The following TEX15 variants were observed in gnomAD, a reference collection of about 807,000 sequenced individuals.
The protein encoded by TEX15 is testis-expressed protein 15.
TEX15 carries 171 observed loss-of-function variants against 237.3 expected under a neutral mutation model. The observed-to-expected ratio is 0.72, with a 90% confidence interval of 0.64 to 0.82. The LOEUF (loss-of-function observed/expected upper bound fraction) is 0.82, where lower values mean the gene tolerates loss of function less well. TEX15 is among the 40% of genes least tolerant of loss of function. The pLI, the probability that TEX15 is intolerant of heterozygous loss-of-function variation, is 0.00. For missense variants in TEX15, 3,750 were observed against 3,646.5 expected (o/e 1.03, Z -0.73); for synonymous variants, 1,338 against 1,269.8 (o/e 1.05, Z -1.14).
At chr8:30,905,240 C>G (rs1217319074) in intron 1 of TEX15, among the ~76,000 whole-genome samples, 1 of 148,814 alleles carries the variant, frequency 6.7e-6, no homozygotes, top group Non-Finnish European at 1.5e-5. Context: ...ACCAAATAGA[C>G]CAACTGAAGA....
chr8:30,862,029 G>C (rs1050292647), intron 5 of TEX15, among the ~76,000 whole-genome samples: 6 of 152,066 alleles, frequency 3.9e-5, no homozygotes, highest in Admixed American at 3.9e-4. Context: ...GAGGTTGTGA[G>C]ATAACAGGCA....
chr8:30,885,418 A>T (rs1310621607), intron 3 of TEX15, among the ~76,000 whole-genome samples: 1 of 152,130 alleles, frequency 6.6e-6, no homozygotes. Context: ...CCATCCATGT[A>T]AGATGTGACT....
chr8:30,869,127 G>A (rs903528920), intron 4 of TEX15, among the ~76,000 whole-genome samples: 1 of 151,654 alleles, frequency 6.6e-6, no homozygotes, highest in African/African-American at 2.4e-5. Context: ...CTATAAAAAA[G>A]TTAGTTTTTG....
intron 1 of TEX15, among the ~76,000 whole-genome samples, chr8:30,903,503 T>C (rs1421952185): frequency 6.6e-6 from 1 of 152,224 alleles, no homozygotes; most frequent in African/African-American, 2.4e-5. Flanking sequence ...GCTCAACTTT[T>C]CACTCAATCC....
intron 2 of TEX15, among the ~76,000 whole-genome samples, chr8:30,891,582 C>T (rs904625815): frequency 2.0e-5 from 3 of 151,760 alleles, no homozygotes; most frequent in Admixed American, 1.3e-4. Flanking sequence ...TGGGTTCAAG[C>T]GATTCTCCTG....
intron 3 of TEX15, among the ~76,000 whole-genome samples, chr8:30,886,080 T>C (rs111229774): frequency 1.2e-4 from 18 of 152,232 alleles, no homozygotes; most frequent in African/African-American, 4.3e-4. Flanking sequence ...TCTATTATCT[T>C]TTCTCATTCA....
At chr8:30,907,639 C>T (rs1294432718) in intron 1 of TEX15, among the ~76,000 whole-genome samples, 1 of 134,236 alleles carries the variant, frequency 7.4e-6, no homozygotes, top group Non-Finnish European at 1.6e-5. Flanking sequence ...AATTTTATAT[C>T]TAATTTATAT....
At chr8:30,865,288 GATAA>G (rs1808135796) in intron 5 of TEX15, among the ~76,000 whole-genome samples, 1 of 151,972 alleles carries the variant, frequency 6.6e-6, no homozygotes, top group Admixed American at 6.6e-5. Flanking sequence ...AACTTGAATA[GATAA>G]ATAATGAGTG....
intron 4 of TEX15, among the ~76,000 whole-genome samples, chr8:30,873,237 CCT>C (rs1808331074): frequency 6.6e-6 from 1 of 152,078 alleles, no homozygotes; most frequent in African/African-American, 2.4e-5. Flanking sequence ...ATCTTTATCC[CCT>C]GTTAAATCTC....
rs1240040372 is a variant in TEX15, at chr8:30,858,727, T to C, written c.791A>G (p.Asp264Gly). The change falls in exon 7 of 11, where the codon GAT becomes GGT. Residue 264 changes from aspartate to glycine, a missense_variant. Physicochemically the swap from Asp to Gly is moderately conservative, Grantham distance 94. Transcript: ENST00000643185. ...CAAAGATGTCATAAGGCGTCCATTATCTACTTTTGAACCAAGAAATTTTAC... is the reference window on the plus strand; with the variant it reads ...CAAAGATGTCATAAGGCGTCCATTACCTACTTTTGAACCAAGAAATTTTAC... Reference protein sequence around the residue: ...VTVKFLGSKVDNGRLMTSLRF... With the variant: ...VTVKFLGSKVGNGRLMTSLRF... The C allele has an allele frequency of 3.9e-6, 6 of 1,535,924 alleles. No individual in the cohort carries two copies. The highest frequency in any genetic ancestry group is 1.7e-4 in the Middle Eastern group (1 of 5,984).
chr8:30,853,824 A>G (rs892109328), intron 7 of TEX15, among the ~76,000 whole-genome samples: 1 of 152,204 alleles, frequency 6.6e-6, no homozygotes, highest in Non-Finnish European at 1.5e-5. Context: ...TTTTCCAACT[A>G]CAATGGAATG....
Position 30,837,529 on chromosome 8 carries a change from G to A in TEX15, c.8755C>T (p.Gln2919Ter), listed in dbSNP as rs1166996281. 8.7e-6 allele frequency: 14 copies of A among 1,613,492 alleles called. No homozygotes were observed. The highest frequency in any genetic ancestry group is 1.2e-5 in the Non-Finnish European group (14 of 1,179,712). Reference sequence around the variant, plus strand: ...GATGAATTTACTATATCATTATCTTGAAGTTCAAAGACTGTGTCATTCATT... The same window carrying A: ...GATGAATTTACTATATCATTATCTTAAAGTTCAAAGACTGTGTCATTCATT... ...LEMNDTVFEL[Q>*]DNDIVNSSIK... The change falls in exon 10 of 11, where the codon CAA becomes TAA. Residue 2919 changes from glutamine (Q) to a stop codon, truncating the protein, a stop_gained. Coordinates refer to ENST00000643185, the MANE Select transcript of TEX15 (RefSeq NM_001350162.2). LOFTEE classifies it high-confidence loss of function.
intron 10 of TEX15, among the ~76,000 whole-genome samples, chr8:30,835,997 C>A (rs1007110097): frequency 4.3e-4 from 65 of 152,070 alleles, no homozygotes; most frequent in African/African-American, 1.5e-3. Context: ...ATGTATGTTT[C>A]ACAGTAGATA....
At position 30,842,795 on chromosome 8, in the gene TEX15, G is replaced by C; in HGVS notation, c.7372C>G (p.Leu2458Val). 2 of 1,613,242 alleles carry C rather than the reference G, an allele frequency of 1.2e-6. No homozygotes were observed. The highest frequency in any genetic ancestry group is 1.7e-6 in the Non-Finnish European group (2 of 1,179,544). ...IVMVSETIHFLKNSIAKKLDK... is the reference protein window; with the variant it reads ...IVMVSETIHFVKNSIAKKLDK... Reference sequence around the variant, plus strand: ...AGTTTCTTTGCTATTGAGTTTTTAAGAAAGTGAATTGTTTCTGAGACCATG... The same window carrying C: ...AGTTTCTTTGCTATTGAGTTTTTAACAAAGTGAATTGTTTCTGAGACCATG... The change falls in exon 8 of 11, where the codon CTT becomes GTT. Residue 2458 changes from leucine to valine, a missense_variant. Leu to Val is a conservative substitution (Grantham distance 32). Transcript: ENST00000643185.
In TEX15 at chr8:30,846,278, A is replaced by G; in HGVS notation, c.3889T>C (p.Ser1297Pro). Residue 1297 changes from serine (S) to proline (P), a missense_variant, in exon 8 of 11, where the codon TCA (serine) becomes CCA (proline). Physicochemically the swap from Ser to Pro is moderately conservative, Grantham distance 74. Transcript: ENST00000643185. The stretch of plus-strand genomic sequence containing the variant: ...TGTAGCTTCCTTTTGCTAATTCTTG[A>G]TTCTACCTCCTTTTTATTTTTGGTA... ...NDTKNKKEVE[S>P]RISKRKLHIS... 1 of 1,613,228 alleles carries G rather than the reference A, an allele frequency of 6.2e-7. No individual in the cohort carries two copies. Among genetic ancestry groups the G allele is most frequent in the Non-Finnish European group, 8.5e-7 (1 of 1,179,644 alleles).
At chr8:30,878,628 C>T (rs1350633342) in intron 3 of TEX15, among the ~76,000 whole-genome samples, 1 of 152,100 alleles carries the variant, frequency 6.6e-6, no homozygotes, top group African/African-American at 2.4e-5. Flanking sequence ...CTCAGGTGAT[C>T]CACCTGCCTC....
chr8:30,844,335 T>C lies in TEX15; in HGVS notation c.5832A>G (p.Ile1944Met), dbSNP rs1807539130. 1.2e-6 allele frequency: 2 copies of C among 1,612,524 alleles called. No individual in the cohort carries two copies. Among genetic ancestry groups the C allele is most frequent in the Admixed American group, 1.7e-5 (1 of 59,806 alleles). Reference sequence around the variant, plus strand: ...GAATTCCTGGTTTGGAAATATAGGCTATTTCTGAATGTAATGTCAAGTCAG... The same window carrying C: ...GAATTCCTGGTTTGGAAATATAGGCCATTTCTGAATGTAATGTCAAGTCAG... ...SQSDLTLHSE[I>M]AYISKPGILG... Residue 1944 changes from isoleucine (I) to methionine (M), a missense_variant, in exon 8 of 11, where the codon ATA becomes ATG. Physicochemically the swap from Ile to Met is conservative, Grantham distance 10 (BLOSUM62 1). Coordinates refer to ENST00000643185, the MANE Select transcript of TEX15 (RefSeq NM_001350162.2).
In TEX15 at chr8:30,859,995, A is replaced by C. The variant is rs1158384772; in HGVS notation, c.603T>G (p.Asp201Glu). The change falls in exon 6 of 11, where the codon GAT becomes GAG. Residue 201 changes from aspartate (D) to glutamate (E), a missense_variant. Physicochemically the swap from Asp to Glu is conservative, Grantham distance 45 (BLOSUM62 2). Transcript: ENST00000643185. ...TATGGCAATCAAAGTTAGGAGAAGGATCCAAAGAAACTTTATTTTTATCCA... is the reference window on the plus strand; with the variant it reads ...TATGGCAATCAAAGTTAGGAGAAGGCTCCAAAGAAACTTTATTTTTATCCA... The part of the protein sequence containing the change: ...PSVDKNKVSL[D>E]PSPNFDCHMS... 4 of 1,516,852 alleles carry C rather than the reference A, an allele frequency of 2.6e-6. No homozygotes were observed. Among genetic ancestry groups the C allele is most frequent in the Non-Finnish European group, 3.5e-6 (4 of 1,140,096 alleles). The allele number at this position is 1,516,852 out of a possible 1,614,324, so 94.0% of individuals were successfully genotyped here.
intron 4 of TEX15, among the ~76,000 whole-genome samples, chr8:30,868,545 G>A (rs899091935): frequency 1.3e-5 from 2 of 151,950 alleles, no homozygotes; most frequent in Non-Finnish European, 1.5e-5. Context: ...ATGCACATAA[G>A]TATATTAATA....
Sources: allele counts gnomAD v4.1 joint callset (sites outside exome capture counted in the v4.1 genomes callset), GRCh38; gene constraint gnomAD v4.1.1; transcripts MANE v1.5; gene names NCBI Gene and HGNC (gene_info 2026-07-23, HGNC 2026-07-21).